Variants in ALS2CL observed in about 807,000 individuals in gnomAD.
ALS2CL encodes the protein ALS2 C-terminal-like protein.
A neutral mutation model predicts 127.9 loss-of-function variants in ALS2CL; 112 were observed. The ratio of observed to expected loss-of-function variants is 0.88; its 90% CI spans 0.75 to 1.02. The LOEUF (loss-of-function observed/expected upper bound fraction) is 1.02, where lower values mean the gene tolerates loss of function less well. ALS2CL is among the 50% of genes least tolerant of loss of function. The probability of loss-of-function intolerance (pLI) is 0.00; values close to 1 mark genes in which losing one functional copy is unlikely to be tolerated. For synonymous variants in ALS2CL, 519 were observed against 527.6 expected, an observed-to-expected ratio of 0.98 and a Z score of 0.22; for missense variants, 1,174 against 1,236.7, an observed-to-expected ratio of 0.95 and a Z score of 0.76.
chr3:46,687,258 G>A, intron 4 of ALS2CL, 110 bp from the exon 5 acceptor site: 2 of 1,256,464 alleles, frequency 1.6e-6, no homozygotes, highest in South Asian at 3.2e-5. Context: ...GCCAGCCCCA[G>A]GCCCAAAACC....
intron 16 of ALS2CL, 73 bp downstream of exon 16, chr3:46,678,186 G>C (rs1217315969): frequency 1.4e-6 from 2 of 1,448,450 alleles, no homozygotes; most frequent in Non-Finnish European, 9.2e-7. Context: ...CCTCTGAGGA[G>C]ACCTGAGTCT....
intron 13 of ALS2CL, 63 bp from the exon 14 acceptor site, chr3:46,680,604 T>C: frequency 6.7e-7 from 1 of 1,481,936 alleles, no homozygotes; most frequent in Non-Finnish European, 9.3e-7. Flanking sequence ...TCCTGGGCAC[T>C]CTGCTGGCAC....
intron 10 of ALS2CL, 22 bp downstream of exon 10, chr3:46,683,108 A>G: frequency 6.5e-7 from 1 of 1,534,540 alleles, no homozygotes; most frequent in Non-Finnish European, 8.7e-7. Context: ...CCACCTTGCC[A>G]CCCAGAGCTC....
Position 46,676,381 on chromosome 3 carries a change from G to T in ALS2CL, c.2050C>A (p.Pro684Thr). 2 of 1,613,868 alleles carry T rather than the reference G, an allele frequency of 1.2e-6. No homozygotes were observed. The highest frequency in any genetic ancestry group is 1.7e-6 in the Non-Finnish European group (2 of 1,179,982). Residue 684 changes from proline to threonine, a missense_variant, in exon 19 of 26, where the codon CCC becomes ACC. By Grantham distance (38) the Pro-to-Thr change is conservative. Transcript: ENST00000318962. Reference protein sequence around the residue: ...LRKALSNSLHPLGKLLRTLML... With the variant: ...LRKALSNSLHTLGKLLRTLML... Reference sequence around the variant, plus strand: ...AGTGTCCGGAGCAGCTTTCCCAGGGGGTGCAGTGAGTTGCTCAGAGCCTGG... The same window carrying T: ...AGTGTCCGGAGCAGCTTTCCCAGGGTGTGCAGTGAGTTGCTCAGAGCCTGG...
rs1456741699 is a variant in ALS2CL at position 46,676,405 on chromosome 3, G to T, written c.2029-3C>A. 1 of 1,613,662 alleles carries T rather than the reference G, an allele frequency of 6.2e-7. No individual in the cohort carries two copies. The highest frequency in any genetic ancestry group is 1.3e-5 in the African/African-American group (1 of 74,890). On this transcript the variant is annotated splice_polypyrimidine_tract_variant and splice_region_variant and intron_variant, in intron 18 of 25. Transcript: ENST00000318962. ...GGGTGCAGTGAGTTGCTCAGAGCCT[G>T]GGCCAGTGCATAGGCAACAGAGAGA...
intron 14 of ALS2CL, chr3:46,680,171 GT>G: frequency 2.0e-6 from 1 of 489,012 alleles, no homozygotes; most frequent in Middle Eastern, 5.5e-4. Flanking sequence ...CTCCATTCTT[GT>G]TAGTTCATTG....
intron 1 of ALS2CL, among the ~76,000 whole-genome samples, chr3:46,691,182 A>G (rs115507699): frequency 0.029 from 4,375 of 152,206 alleles, 121 homozygotes; most frequent in Middle Eastern, 0.065. Flanking sequence ...AGCCAGGCCC[A>G]CCTAACTCTC....
In ALS2CL at chr3:46,687,652, A is replaced by T; in HGVS notation, c.335T>A (p.Val112Glu). 2 of 1,613,334 alleles carry T rather than the reference A, an allele frequency of 1.2e-6. No individual in the cohort carries two copies. The highest frequency in any genetic ancestry group is 1.7e-6 in the Non-Finnish European group (2 of 1,179,758). Residue 112 changes from valine (V) to glutamate (E), a missense_variant, in exon 4 of 26, where the codon GTG (valine) becomes GAG (glutamate). Transcript: ENST00000318962. ...YIESYTSCMV[V>E]QAFQKAAKRR... ...CTTTGCTGCCTTCTGGAAGGCCTGC[A>T]CCACCATGCAGCTTGTGTAGGACTC...
chr3:46,680,933 A>G (rs1559470717), intron 13 of ALS2CL: 2 of 555,216 alleles, frequency 3.6e-6, no homozygotes, highest in Non-Finnish European at 6.5e-6. Flanking sequence ...TTGCCAGGCC[A>G]AGGATCCAGG....
chr3:46,674,690 A>G lies in ALS2CL; in HGVS notation c.2305T>C (p.Tyr769His), dbSNP rs767527606. The G allele has an allele frequency of 3.1e-6, 5 of 1,614,060 alleles. No homozygotes were observed. The South Asian group carries it at 5.5e-5, about 18-fold the overall frequency. ...LVLPLMLPSF[Y>H]SELFTLYLLL... ...AGGTAGAGCGTGAAGAGCTCTGAGT[A>G]GAAGCTGGGCAGCATGAGGGGCAGC... The change falls in exon 21 of 26, where the codon TAC (tyrosine) becomes CAC (histidine). Residue 769 changes from tyrosine (Y) to histidine (H), a missense_variant. Tyr to His is a moderately conservative substitution (Grantham distance 83). Coordinates refer to ENST00000318962, the MANE Select transcript of ALS2CL (RefSeq NM_147129.5).
At position 46,670,758 on chromosome 3, in the gene ALS2CL, G is replaced by A. The variant is rs902962450; in HGVS notation, c.*226C>T. On this transcript the variant is annotated 3_prime_UTR_variant, in exon 26 of 26. Coordinates refer to ENST00000318962, the MANE Select transcript of ALS2CL (RefSeq NM_147129.5). The surrounding 1 kb of genome is among the most constrained non-coding windows in gnomAD (Gnocchi z 5.5). ...AGCTGCTGCAGATTAAGGGGTCATT[G>A]AAGATGGGCTAGTGGCCAAGGGAAA... The A allele has an allele frequency of 1.9e-6, 1 of 521,022 alleles. No individual in the cohort carries two copies. Among genetic ancestry groups the A allele is most frequent in the Non-Finnish European group, 3.5e-6 (1 of 285,498 alleles). The allele number at this position is 521,022 out of a possible 1,614,324, so 32.3% of individuals were successfully genotyped here.
rs1699336969 is a variant in ALS2CL, at chr3:46,681,476, A to G, written c.1274+24T>C. On this transcript the variant is annotated intron_variant, in intron 12 of 25. Coordinates refer to ENST00000318962, the MANE Select transcript of ALS2CL (RefSeq NM_147129.5). This position sits in a 1 kb window ranked among gnomAD's most constrained non-coding sequence, Gnocchi z 4.9. ...GCCCAGAGGATGGGCCCAGCCCATGAACCCCCCAGCCAGGGTCACTTACTC... is the reference window on the plus strand; with the variant it reads ...GCCCAGAGGATGGGCCCAGCCCATGGACCCCCCAGCCAGGGTCACTTACTC... 16 of 1,613,836 alleles carry G rather than the reference A, an allele frequency of 9.9e-6. No individual in the cohort carries two copies. Among genetic ancestry groups the G allele is most frequent in the African/African-American group, 1.3e-5 (1 of 74,922 alleles).
chr3:46,671,931 G>A lies in ALS2CL; in HGVS notation c.2637C>T (p.Pro879=), dbSNP rs548607381. The change falls in exon 24 of 26, where the codon CCC becomes CCT. Residue 879 remains proline (P), a synonymous_variant. Coordinates refer to ENST00000318962, the MANE Select transcript of ALS2CL (RefSeq NM_147129.5). ...TGAGAAGTGGCAGCAGGTCGTCCAT[G>A]GGCAGCTTGTACTCCCGGCCCAATA... ...SRVLGREYKL[P]MDDLLPLLIY... 2.5e-6 allele frequency: 4 copies of A among 1,613,916 alleles called. No homozygotes were observed. The highest frequency in any genetic ancestry group is 2.5e-6 in the Non-Finnish European group (3 of 1,180,002).
chr3:46,676,784 C>T (rs1463410774), intron 17 of ALS2CL, 46 bp from the exon 18 acceptor site: 1 of 1,612,082 alleles, frequency 6.2e-7, no homozygotes, highest in African/African-American at 1.3e-5. Flanking sequence ...CGGCCCAGCC[C>T]CCTCCCCCCA....
chr3:46,677,500 C>T (rs747261874), intron 16 of ALS2CL: 79 of 695,564 alleles, frequency 1.1e-4, no homozygotes, highest in Admixed American at 2.7e-4. Flanking sequence ...GTAGGCTACA[C>T]GCAGCCCACA....
rs894427872 is a variant in ALS2CL, at chr3:46,681,622, G to A, written c.1176-24C>T. The A allele has an allele frequency of 1.9e-6, 3 of 1,611,950 alleles. No individual in the cohort carries two copies. Among genetic ancestry groups the A allele is most frequent in the Non-Finnish European group, 2.5e-6 (3 of 1,178,448 alleles). ...AGCTGACAGCATGGTTGTGGGGGTG[G>A]GGATCAGCCCTGACCTGAGACGCCC... is the stretch of plus-strand genomic sequence containing the variant. On this transcript the variant is annotated intron_variant, in intron 11 of 25. Coordinates refer to ENST00000318962, the MANE Select transcript of ALS2CL (RefSeq NM_147129.5). This position sits in a 1 kb window ranked among gnomAD's most constrained non-coding sequence, Gnocchi z 4.9.
rs1404837014 is a variant in ALS2CL at position 46,669,169 on chromosome 3, C to A, written c.*1815G>T. On this transcript the variant is annotated 3_prime_UTR_variant, in exon 26 of 26. Transcript: ENST00000318962. ...CCTCAGCCTCCCGAGTAGCTGGGAC[C>A]ACAGGCACACACCAACACACCCAGC... 6.6e-6 allele frequency: 1 copy of A among 152,004 alleles called. No individual in the cohort carries two copies. Among genetic ancestry groups the A allele is most frequent in the African/African-American group, 2.4e-5 (1 of 41,400 alleles). 9.4% of individuals were successfully genotyped at this position (152,004 alleles called of 1,614,324 possible).
At chr3:46,674,085 T>C (rs528960817) in intron 21 of ALS2CL, among the ~76,000 whole-genome samples, 15 of 152,282 alleles carry the variant, frequency 9.9e-5, no homozygotes, top group African/African-American at 3.6e-4. Flanking sequence ...CAGTCTCCCC[T>C]GAGGGACCTC....
At position 46,681,286 on chromosome 3, in the gene ALS2CL, C is replaced by A. The variant is rs778572561; in HGVS notation, c.1396G>T (p.Gly466Cys). ...TCAATGCCATAGCCGCTCCTCTGGC[C>A]CCTCTCCCAGTGGCCCGTGTACCTG... Reference protein sequence around the residue: ...PFRYTGHWERGQRSGYGIEED... With the variant: ...PFRYTGHWERCQRSGYGIEED... The change falls in exon 13 of 26, where the codon GGC becomes TGC. Residue 466 changes from glycine to cysteine, a missense_variant. Gly to Cys is a radical substitution (Grantham distance 159). Coordinates refer to ENST00000318962, the MANE Select transcript of ALS2CL (RefSeq NM_147129.5). This position sits in a 1 kb window ranked among gnomAD's most constrained non-coding sequence, Gnocchi z 4.9. 6.2e-7 allele frequency: 1 copy of A among 1,614,010 alleles called. No individual in the cohort carries two copies. The highest frequency in any genetic ancestry group is 1.1e-5 in the South Asian group (1 of 91,088).
Sources: gnomAD v4.1 joint callset for allele counts (sites outside exome capture counted in the v4.1 genomes callset) on GRCh38, gnomAD v4.1.1 for gene constraint, Gnocchi (gnomAD v3.1) non-coding constraint, MANE v1.5 for transcripts, NCBI Gene and HGNC (gene_info 2026-07-23, HGNC 2026-07-21) for gene names.